FHIT: variants seen among roughly 807,000 people sequenced by gnomAD.
The protein encoded by FHIT is fragile histidine triad diadenosine triphosphatase, also known as bis(5'-adenosyl)-triphosphatase.
A neutral mutation model predicts 17.9 loss-of-function variants in FHIT; 19 were observed. That is an observed-to-expected ratio of 1.06 (90% confidence interval 0.74 to 1.56). The LOEUF (loss-of-function observed/expected upper bound fraction) is 1.56, where lower values mean the gene tolerates loss of function less well. FHIT is among the 40% of genes most tolerant of loss of function. The probability of loss-of-function intolerance (pLI) is 0.00; values close to 1 mark genes in which losing one functional copy is unlikely to be tolerated. For missense variants in FHIT, 248 were observed against 189.2 expected, an observed-to-expected ratio of 1.31 and a Z score of -1.82; for synonymous variants, 81 against 69.7, an observed-to-expected ratio of 1.16 and a Z score of -0.81.
chr3:60,045,355 G>C (rs1429747147), intron 5 of FHIT, among the ~76,000 whole-genome samples: 1 of 152,092 alleles, frequency 6.6e-6, no homozygotes, highest in Admixed American at 6.5e-5. Flanking sequence ...AGAAGACAAG[G>C]AGGAGCAAGT....
chr3:60,380,178 T>C (rs985882278), intron 5 of FHIT, among the ~76,000 whole-genome samples: 5 of 152,136 alleles, frequency 3.3e-5, no homozygotes, highest in Admixed American at 1.3e-4. Context: ...TTTTAGGTCA[T>C]GGGGGTAGAT....
At chr3:59,889,220 C>T (rs1703748803) in intron 8 of FHIT, among the ~76,000 whole-genome samples, 1 of 152,148 alleles carries the variant, frequency 6.6e-6, no homozygotes, top group Non-Finnish European at 1.5e-5. Context: ...TGGGCACTGA[C>T]CAATAAAAAT....
chr3:60,633,501 G>C (rs1444217622), intron 4 of FHIT, among the ~76,000 whole-genome samples: 2 of 152,198 alleles, frequency 1.3e-5, no homozygotes, highest in African/African-American at 4.8e-5. Context: ...GACTTGAGAA[G>C]CTATAAAATC....
At chr3:59,826,179 G>A (rs1448100307) in intron 8 of FHIT, among the ~76,000 whole-genome samples, 1 of 152,134 alleles carries the variant, frequency 6.6e-6, no homozygotes, top group Non-Finnish European at 1.5e-5. Flanking sequence ...GTGCAGTGGT[G>A]CAGTCTTGGC....
At chr3:60,429,036 T>G (rs1702777418) in intron 5 of FHIT, among the ~76,000 whole-genome samples, 1 of 152,054 alleles carries the variant, frequency 6.6e-6, no homozygotes, top group African/African-American at 2.4e-5. Flanking sequence ...AATGCAAAAC[T>G]TCAAACCACC....
At chr3:60,476,872 T>G (rs2033372805) in intron 5 of FHIT, among the ~76,000 whole-genome samples, 1 of 151,882 alleles carries the variant, frequency 6.6e-6, no homozygotes, top group Non-Finnish European at 1.5e-5. Flanking sequence ...TAAGAAGCCT[T>G]TTCCAGAAGA....
chr3:60,965,190 A>C lies in FHIT; in HGVS notation c.-111+76857T>G, dbSNP rs565477136. Among the ~76,000 whole-genome samples the C allele has an allele frequency of 7.2e-5, 11 of 151,926 alleles. No individual in the cohort carries two copies. In the South Asian group the frequency reaches 2.3e-3, roughly 32 times the overall value. The stretch of plus-strand genomic sequence containing the variant: ...CTTCATTTCATTCATTTGTTCTTCA[A>C]TCACTGATATTCTTTCTTCCACTTG... On this transcript the variant is annotated intron_variant, in intron 3 of 9. Coordinates refer to ENST00000492590, the MANE Select transcript of FHIT (RefSeq NM_002012.4).
At chr3:60,389,782 G>A (rs1428375681) in intron 5 of FHIT, among the ~76,000 whole-genome samples, 2 of 152,108 alleles carry the variant, frequency 1.3e-5, no homozygotes, top group Non-Finnish European at 2.9e-5. Context: ...TTATTCTTGA[G>A]TCTACTATAC....
chr3:60,759,792 C>A (rs757682998), intron 4 of FHIT, among the ~76,000 whole-genome samples: 1 of 152,174 alleles, frequency 6.6e-6, no homozygotes. Flanking sequence ...TTCTGAGAAG[C>A]GGTGGGGATG....
intron 3 of FHIT, among the ~76,000 whole-genome samples, chr3:60,979,625 T>G (rs974543704): frequency 6.6e-6 from 1 of 152,186 alleles, no homozygotes; most frequent in Non-Finnish European, 1.5e-5. Context: ...GGGCCCGTCA[T>G]GACTTCTGTT....
At chr3:59,882,297 G>A (rs966475143) in intron 8 of FHIT, among the ~76,000 whole-genome samples, 5 of 152,114 alleles carry the variant, frequency 3.3e-5, no homozygotes, top group Admixed American at 6.6e-5. Context: ...TATCGTTTAT[G>A]AAACAAATTT....
chr3:60,875,106 A>G (rs1553756089), intron 3 of FHIT, among the ~76,000 whole-genome samples: 1 of 152,156 alleles, frequency 6.6e-6, no homozygotes, highest in African/African-American at 2.4e-5. Context: ...TCACCTTCCC[A>G]GGACCCAAAT....
At chr3:60,468,879 G>T (rs1391988834) in intron 5 of FHIT, among the ~76,000 whole-genome samples, 3 of 152,028 alleles carry the variant, frequency 2.0e-5, no homozygotes, top group Non-Finnish European at 4.4e-5. Flanking sequence ...TGTTTTGTTT[G>T]TCTGGGAAAG....
intron 4 of FHIT, among the ~76,000 whole-genome samples, chr3:60,712,828 G>A (rs2041575133): frequency 7.0e-6 from 1 of 142,616 alleles, no homozygotes; most frequent in Admixed American, 7.1e-5. Context: ...AATAATAATG[G>A]GAGACTTTAA....
At chr3:60,663,539 G>A (rs2040311772) in intron 4 of FHIT, among the ~76,000 whole-genome samples, 1 of 151,944 alleles carries the variant, frequency 6.6e-6, no homozygotes, top group South Asian at 2.1e-4. Flanking sequence ...AGGTTCAAGT[G>A]ATTCTCCAGC....
chr3:60,527,842 A>T (rs1190933171), intron 5 of FHIT, among the ~76,000 whole-genome samples: 1 of 152,212 alleles, frequency 6.6e-6, no homozygotes, highest in African/African-American at 2.4e-5. Flanking sequence ...TGTGAAATGT[A>T]ACTGGAGAAG....
intron 5 of FHIT, among the ~76,000 whole-genome samples, chr3:60,205,001 T>A (rs867886098): frequency 1.1e-4 from 17 of 150,004 alleles, no homozygotes; most frequent in African/African-American, 4.2e-4. Flanking sequence ...GAGGCTGAGG[T>A]GGGAAGATAG....
chr3:60,533,486 G>A (rs1474633458), intron 5 of FHIT, among the ~76,000 whole-genome samples: 1 of 152,204 alleles, frequency 6.6e-6, no homozygotes, highest in East Asian at 1.9e-4. Context: ...GAGGCAGACT[G>A]GGCTGTGTGT....
At chr3:60,411,998 T>C (rs1259555516) in intron 5 of FHIT, among the ~76,000 whole-genome samples, 1 of 152,134 alleles carries the variant, frequency 6.6e-6, no homozygotes, top group African/African-American at 2.4e-5. Flanking sequence ...GTATTTTCTC[T>C]TGCCTGGGGT....
Sources: gnomAD v4.1 joint callset for allele counts (sites outside exome capture counted in the v4.1 genomes callset) on GRCh38, gnomAD v4.1.1 for gene constraint, MANE v1.5 for transcripts, NCBI Gene and HGNC (gene_info 2026-07-23, HGNC 2026-07-21) for gene names.